The following ATP13A5 variants were observed in gnomAD, a reference collection of about 807,000 sequenced individuals.
The protein encoded by ATP13A5 is probable cation-transporting ATPase 13A5.
A neutral mutation model predicts 150.2 loss-of-function variants in ATP13A5; 149 were observed. That is an observed-to-expected ratio of 0.99 (90% CI 0.87 to 1.14). The LOEUF (loss-of-function observed/expected upper bound fraction) is 1.14, where lower values mean the gene tolerates loss of function less well. ATP13A5 is among the 50% of genes most tolerant of loss of function. The pLI is 0.00. For synonymous variants in ATP13A5, 497 were observed against 522.2 expected (o/e 0.95, Z 0.66); for missense variants, 1,383 against 1,449.3 (o/e 0.95, Z 0.74).
At position 193,301,124 on chromosome 3, in the gene ATP13A5, T is replaced by G. The variant is rs150927270; in HGVS notation, c.2775+87A>C. The G allele has an allele frequency of 2.5e-4, 272 of 1,090,348 alleles. 3 individuals are homozygous for G. In the African/African-American group the frequency reaches 4.0e-3, roughly 16 times the overall value. 67.5% of individuals were successfully genotyped at this position (1,090,348 alleles called of 1,614,324 possible). A position where few individuals can be genotyped will look rare whatever the true frequency, so the allele number is the denominator to read the frequency against. On this transcript the variant is annotated intron_variant, in intron 24 of 29. Transcript: ENST00000342358. ...GAAATGTCATTTGTTTATAAAACAT[T>G]AAATCTTGTATAGGAGCTACACCCT... is the stretch of plus-strand genomic sequence containing the variant.
At chr3:193,298,681 C>T (rs1438346745) in intron 25 of ATP13A5, among the ~76,000 whole-genome samples, 1 of 152,124 alleles carries the variant, frequency 6.6e-6, no homozygotes, top group Admixed American at 6.5e-5. Context: ...TGAGCAATAG[C>T]TGCTGTTGGA....
At position 193,295,228 on chromosome 3, in the gene ATP13A5, T is replaced by G. The variant is rs147766757; in HGVS notation, c.2848+3903A>C. On this transcript the variant is annotated intron_variant, in intron 25 of 29. Coordinates refer to ENST00000342358, the MANE Select transcript of ATP13A5 (RefSeq NM_198505.4). ...TCACATACGCTGCAGTGTGGTCACA[T>G]TAAAAGCTCATACCCCATATTTATC... 5.4e-3 allele frequency among the ~76,000 whole-genome samples: 822 copies of G among 152,202 alleles called. 9 individuals are homozygous for G. Among genetic ancestry groups the G allele is most frequent in the Middle Eastern group, 0.024 (7 of 294 alleles).
rs569026797 is a variant in ATP13A5, at chr3:193,341,236, G to A, written c.943+2691C>T. Among the ~76,000 whole-genome samples the A allele has an allele frequency of 1.7e-4, 25 of 151,208 alleles. No individual in the cohort carries two copies. In the South Asian group the frequency reaches 5.2e-3, roughly 32 times the overall value. ...CATTTGAGAGAAGCTAGATCTTGAA[G>A]TTGATTATTGTTTCAGGAAAGACAG... On this transcript the variant is annotated intron_variant, in intron 9 of 29. Transcript: ENST00000342358.
chr3:193,366,516 A>G (rs1381478468), intron 1 of ATP13A5, among the ~76,000 whole-genome samples: 1 of 152,070 alleles, frequency 6.6e-6, no homozygotes, highest in East Asian at 1.9e-4. Context: ...CAAAGGAAGG[A>G]TATTTCATAA....
At chr3:193,341,845 T>G (rs1367244409) in intron 9 of ATP13A5, among the ~76,000 whole-genome samples, 3 of 152,168 alleles carry the variant, frequency 2.0e-5, no homozygotes, top group African/African-American at 7.2e-5. Flanking sequence ...AGCATAAGGC[T>G]AAGGAGAGCA....
intron 10 of ATP13A5, among the ~76,000 whole-genome samples, chr3:193,334,168 C>T (rs956189034): frequency 1.3e-5 from 2 of 152,108 alleles, no homozygotes; most frequent in Non-Finnish European, 2.9e-5. Flanking sequence ...TTTAAAAAAT[C>T]AGCTAGAACA....
chr3:193,289,156 A>G (rs1717843326), intron 26 of ATP13A5, among the ~76,000 whole-genome samples: 1 of 152,094 alleles, frequency 6.6e-6, no homozygotes, highest in African/African-American at 2.4e-5. Context: ...GCTATTTCAA[A>G]GAGAGCAGCT....
intron 26 of ATP13A5, among the ~76,000 whole-genome samples, chr3:193,288,499 T>A (rs573622318): frequency 6.6e-6 from 1 of 152,222 alleles, no homozygotes; most frequent in South Asian, 2.1e-4. Flanking sequence ...GCTCAGATGA[T>A]CATTAGAATT....
At chr3:193,354,745 TAC>T (rs1712711590) in intron 5 of ATP13A5, among the ~76,000 whole-genome samples, 2 of 152,114 alleles carry the variant, frequency 1.3e-5, no homozygotes, top group South Asian at 4.1e-4. Context: ...CAAGGTGTAA[TAC>T]ATATGTGCAT....
Position 193,364,119 on chromosome 3 carries a change from C to G in ATP13A5, c.225G>C (p.Leu75Phe). The change falls in exon 2 of 30, where the codon TTG (leucine) becomes TTC (phenylalanine). Residue 75 changes from leucine (L) to phenylalanine (F), a missense_variant. Transcript: ENST00000342358. ...PCPLQEADTV[L>F]LRTTDEFQRY... is the part of the protein sequence containing the mutation. ...GAAAGGCACGCACTGTTGTCCTCAG[C>G]AAAACAGTGTCTGCTTCTTGCAAGG... is the stretch of plus-strand genomic sequence containing the variant. The G allele has an allele frequency of 6.2e-7, 1 of 1,614,030 alleles. No individual in the cohort carries two copies. The highest frequency in any genetic ancestry group is 8.5e-7 in the Non-Finnish European group (1 of 1,179,948).
chr3:193,362,783 T>TTCTCTCTTTCTTTCTC (rs1560151045), intron 3 of ATP13A5, 146 bp from the exon 4 acceptor site: 28 of 529,576 alleles, frequency 5.3e-5, no homozygotes, highest in East Asian at 7.0e-5. Context: ...CTTTCTTTCT[T>TTCTCTCTTTCTTTCTC]TCTTTCTTTC....
intron 16 of ATP13A5, among the ~76,000 whole-genome samples, 167 bp from the exon 17 acceptor site, chr3:193,319,275 G>C (rs184812860): frequency 1.3e-5 from 2 of 152,176 alleles, no homozygotes; most frequent in Non-Finnish European, 2.9e-5. Flanking sequence ...TCATCAGTGT[G>C]TTCTTATTAT....
chr3:193,369,436 G>A (rs1439301156), intron 1 of ATP13A5, among the ~76,000 whole-genome samples: 1 of 152,020 alleles, frequency 6.6e-6, no homozygotes, highest in Non-Finnish European at 1.5e-5. Context: ...TTTGGGTGGG[G>A]ACACAGCCAA....
intron 25 of ATP13A5, among the ~76,000 whole-genome samples, chr3:193,292,670 AGATCAACT>A (rs1718013896): frequency 6.6e-6 from 1 of 152,166 alleles, no homozygotes; most frequent in South Asian, 2.1e-4. Context: ...GCATTAACCA[AGATCAACT>A]GATCTACATA....
chr3:193,308,019 A>C (rs763020846), intron 21 of ATP13A5, among the ~76,000 whole-genome samples: 29 of 152,232 alleles, frequency 1.9e-4, no homozygotes, highest in Admixed American at 1.1e-3. Context: ...ATAAGTATTG[A>C]TAAATGACAA....
intron 2 of ATP13A5, among the ~76,000 whole-genome samples, chr3:193,363,707 A>G (rs768772904): frequency 1.1e-4 from 17 of 152,224 alleles, no homozygotes; most frequent in Non-Finnish European, 1.8e-4. Flanking sequence ...TTCTAGCTAT[A>G]TTAAAGTGAC....
intron 16 of ATP13A5, among the ~76,000 whole-genome samples, chr3:193,320,525 G>A (rs1364855425): frequency 2.0e-5 from 3 of 152,294 alleles, no homozygotes. Context: ...TCAAGAAGAT[G>A]CTCAGCTGTA....
chr3:193,303,836 T>G (rs1165046819), intron 23 of ATP13A5, among the ~76,000 whole-genome samples: 1 of 151,652 alleles, frequency 6.6e-6, no homozygotes, highest in Admixed American at 6.6e-5. Flanking sequence ...TATATATACA[T>G]TCATATATAT....
intron 9 of ATP13A5, among the ~76,000 whole-genome samples, chr3:193,338,217 C>A (rs559407961): frequency 6.6e-6 from 1 of 152,042 alleles, no homozygotes; most frequent in Admixed American, 6.6e-5. Flanking sequence ...AATTGAATAC[C>A]CTTTATTTCT....
Sources: allele counts gnomAD v4.1 joint callset (sites outside exome capture counted in the v4.1 genomes callset), GRCh38; gene constraint gnomAD v4.1.1; transcripts MANE v1.5; gene names NCBI Gene and HGNC (gene_info 2026-07-23, HGNC 2026-07-21).